The following PKIB variants were observed in gnomAD, a reference collection of about 807,000 sequenced individuals.
PKIB encodes cAMP-dependent protein kinase inhibitor beta, also known as PKI-beta.
Under a neutral mutation model 4.5 loss-of-function variants are expected in PKIB, and 2 were observed. That is an observed-to-expected ratio of 0.44 (90% CI 0.18 to 1.39). PKIB has a LOEUF of 1.39. PKIB is among the 40% of genes most tolerant of loss of function. The pLI, the probability that PKIB is intolerant of heterozygous loss-of-function variation, is 0.27. For synonymous variants in PKIB, 38 were observed against 36.0 expected (o/e 1.06, Z -0.20); for missense variants, 94 against 92.6 (o/e 1.02, Z -0.06).
chr6:122,511,923 T>C (rs972181504), intron 2 of PKIB, among the ~76,000 whole-genome samples: 1 of 152,220 alleles, frequency 6.6e-6, no homozygotes, highest in Non-Finnish European at 1.5e-5. Context: ...TGTCTTTTTT[T>C]CTTGAACACT....
chr6:122,540,958 T>A (rs2114635941), intron 2 of PKIB, among the ~76,000 whole-genome samples: 1 of 151,484 alleles, frequency 6.6e-6, no homozygotes, highest in Non-Finnish European at 1.5e-5. Context: ...TCTCTTTTGA[T>A]CTTTGTTGGT....
At chr6:122,474,612 A>T (rs1335827101) in intron 1 of PKIB, among the ~76,000 whole-genome samples, 1 of 152,244 alleles carries the variant, frequency 6.6e-6, no homozygotes, top group Non-Finnish European at 1.5e-5. Flanking sequence ...GTTGTCAATT[A>T]AGGACAAGAC....
intron 1 of PKIB, among the ~76,000 whole-genome samples, chr6:122,622,056 A>G (rs7742885): frequency 1.4e-3 from 212 of 152,330 alleles, no homozygotes; most frequent in African/African-American, 5.0e-3. Context: ...GGAGAAGTCA[A>G]GACTAAAGAT....
At chr6:122,720,319 A>C (rs1254541651) in intron 4 of PKIB, among the ~76,000 whole-genome samples, 1 of 152,192 alleles carries the variant, frequency 6.6e-6, no homozygotes, top group Non-Finnish European at 1.5e-5. Flanking sequence ...TAAATTGATA[A>C]CCATGATAAA....
chr6:122,605,549 T>A (rs1365512556), upstream of PKIB, among the ~76,000 whole-genome samples: 2 of 152,156 alleles, frequency 1.3e-5, no homozygotes, highest in East Asian at 3.9e-4. Context: ...AATCTTATAT[T>A]TCATATATAA....
intron 2 of PKIB, among the ~76,000 whole-genome samples, chr6:122,584,915 G>A (rs1320265114): frequency 6.6e-6 from 1 of 152,098 alleles, no homozygotes; most frequent in Non-Finnish European, 1.5e-5. Context: ...GCCCACCAAT[G>A]TGCCATGTCA....
chr6:122,572,663 A>C (rs1032281375), intron 2 of PKIB, among the ~76,000 whole-genome samples: 7 of 151,854 alleles, frequency 4.6e-5, no homozygotes, highest in Non-Finnish European at 1.0e-4. Flanking sequence ...CAAAAAAAAA[A>C]ACGATAAATG....
intron 2 of PKIB, chr6:122,483,012 A>T (rs955171230): frequency 6.6e-6 from 1 of 151,052 alleles, no homozygotes; most frequent in Admixed American, 6.6e-5. Context: ...CGTTTCCTTT[A>T]GACCATCTTA....
intron 2 of PKIB, among the ~76,000 whole-genome samples, chr6:122,541,513 C>G (rs1434393138): frequency 6.6e-6 from 1 of 151,876 alleles, no homozygotes; most frequent in Admixed American, 6.6e-5. Context: ...TATTGGCCCC[C>G]ACTCTCTTCT....
intron 2 of PKIB, among the ~76,000 whole-genome samples, chr6:122,486,137 A>G (rs1429262968): frequency 6.6e-6 from 1 of 152,186 alleles, no homozygotes; most frequent in Non-Finnish European, 1.5e-5. Context: ...GCCAAACTTA[A>G]AAATAAACTT....
intron 2 of PKIB, among the ~76,000 whole-genome samples, chr6:122,502,567 GT>G: frequency 6.6e-6 from 1 of 152,060 alleles, no homozygotes; most frequent in African/African-American, 2.4e-5. Flanking sequence ...ATCAGATCTT[GT>G]GAGACTCATT....
At chr6:122,654,511 G>C (rs1776693155) in intron 2 of PKIB, among the ~76,000 whole-genome samples, 2 of 152,144 alleles carry the variant, frequency 1.3e-5, no homozygotes, top group South Asian at 4.1e-4. Context: ...TTTACCTCTA[G>C]AATATTGTTT....
intron 2 of PKIB, among the ~76,000 whole-genome samples, chr6:122,650,863 C>T (rs533017244): frequency 1.3e-5 from 2 of 152,302 alleles, no homozygotes; most frequent in Non-Finnish European, 2.9e-5. Flanking sequence ...ATAACTTCCT[C>T]TTCAGTGTAG....
chr6:122,580,997 T>C (rs1773686619), intron 2 of PKIB, among the ~76,000 whole-genome samples: 1 of 152,138 alleles, frequency 6.6e-6, no homozygotes, highest in African/African-American at 2.4e-5. Context: ...TTACAGACTG[T>C]AGCCTGCCAA....
chr6:122,653,858 T>C (rs933649689), intron 2 of PKIB, among the ~76,000 whole-genome samples: 1 of 152,080 alleles, frequency 6.6e-6, no homozygotes, highest in Non-Finnish European at 1.5e-5. Flanking sequence ...CTCGGAAGGC[T>C]GAGGCAGGAG....
intron 2 of PKIB, among the ~76,000 whole-genome samples, chr6:122,521,151 CAT>C (rs1776933135): frequency 1.3e-5 from 2 of 152,154 alleles, no homozygotes; most frequent in South Asian, 4.1e-4. Flanking sequence ...GCATACCTCT[CAT>C]ATGTAATGGT....
chr6:122,505,898 T>G (rs1776381500), intron 2 of PKIB, among the ~76,000 whole-genome samples: 1 of 152,112 alleles, frequency 6.6e-6, no homozygotes. Context: ...GTTGGTCTGT[T>G]TAGGTCTGAG....
intron 2 of PKIB, among the ~76,000 whole-genome samples, chr6:122,537,061 A>C (rs1267496438): frequency 6.6e-6 from 1 of 151,896 alleles, no homozygotes; most frequent in Non-Finnish European, 1.5e-5. Context: ...GATGCTGGTA[A>C]ATTTTTTTTC....
intron 2 of PKIB, among the ~76,000 whole-genome samples, chr6:122,569,874 C>T (rs969275917): frequency 5.3e-5 from 8 of 152,330 alleles, no homozygotes; most frequent in Non-Finnish European, 8.8e-5. Flanking sequence ...AAGTTTCTTA[C>T]AGCAGAGACA....
Sources: allele counts gnomAD v4.1 joint callset (sites outside exome capture counted in the v4.1 genomes callset), GRCh38; gene constraint gnomAD v4.1.1; transcripts MANE v1.5; gene names NCBI Gene and HGNC (gene_info 2026-07-23, HGNC 2026-07-21).